CTNNA3: variants seen among roughly 807,000 people sequenced by gnomAD.
The protein encoded by CTNNA3 is catenin alpha 3.
Under a neutral mutation model 95.7 loss-of-function variants are expected in CTNNA3, and 76 were observed. The ratio of observed to expected loss-of-function variants is 0.79; its 90% CI spans 0.66 to 0.96. CTNNA3 has a LOEUF of 0.96. Among genes scored for constraint, CTNNA3 ranks in the 40% least tolerant of loss-of-function variants. The pLI is 0.00. For synonymous variants in CTNNA3, 431 were observed against 374.4 expected (o/e 1.15, Z -1.74); for missense variants, 1,191 against 1,089.8 (o/e 1.09, Z -1.31).
At chr10:67,712,842 C>A (rs1003154396) in intron 1 of CTNNA3, among the ~76,000 whole-genome samples, 3 of 152,086 alleles carry the variant, frequency 2.0e-5, no homozygotes, top group African/African-American at 7.2e-5. Context: ...TAGAAAAAAA[C>A]CTAGGCAATA....
At chr10:66,679,700 A>G (rs575556990) in intron 9 of CTNNA3, among the ~76,000 whole-genome samples, 7 of 152,210 alleles carry the variant, frequency 4.6e-5, no homozygotes, top group Admixed American at 3.9e-4. Context: ...AAATAAAAAC[A>G]TAAGTGGGAA....
intron 1 of CTNNA3, among the ~76,000 whole-genome samples, chr10:67,722,003 T>G (rs1309477932): frequency 1.3e-5 from 2 of 152,042 alleles, no homozygotes; most frequent in Non-Finnish European, 2.9e-5. Context: ...CAGTTGGAAA[T>G]GCAGAAATCA....
intron 4 of CTNNA3, among the ~76,000 whole-genome samples, chr10:67,528,965 T>G (rs550146538): frequency 1.3e-5 from 2 of 152,328 alleles, no homozygotes; most frequent in South Asian, 4.1e-4. Context: ...TCATGGTGAC[T>G]GCAGTTAATA....
chr10:67,715,141 CTT>C (rs779109214), intron 1 of CTNNA3, among the ~76,000 whole-genome samples: 1 of 152,192 alleles, frequency 6.6e-6, no homozygotes, highest in East Asian at 1.9e-4. Context: ...ACAATAGAAA[CTT>C]GAGCTATTGG....
chr10:66,644,005 C>A (rs555535652), intron 9 of CTNNA3, among the ~76,000 whole-genome samples: 1 of 152,054 alleles, frequency 6.6e-6, no homozygotes, highest in South Asian at 2.1e-4. Context: ...TGCCTATAAT[C>A]CCAGCACTTT....
chr10:67,502,482 G>A (rs1023094518), intron 5 of CTNNA3, among the ~76,000 whole-genome samples: 3 of 152,222 alleles, frequency 2.0e-5, no homozygotes, highest in Non-Finnish European at 2.9e-5. Flanking sequence ...CTTACCCTTA[G>A]CAGAGCTCGA....
intron 4 of CTNNA3, among the ~76,000 whole-genome samples, chr10:67,523,889 T>C (rs1840058506): frequency 1.3e-5 from 2 of 152,200 alleles, no homozygotes; most frequent in Admixed American, 1.3e-4. Context: ...TAAAACCTTA[T>C]CTAAGATTCT....
In CTNNA3 at chr10:67,070,097, T is replaced by C. The variant is rs542273021; in HGVS notation, c.1047+110220A>G. Among the ~76,000 whole-genome samples the C allele has an allele frequency of 3.3e-5, 5 of 152,326 alleles. No homozygotes were observed. The South Asian group carries it at 1.0e-3, about 32-fold the overall frequency. On this transcript the variant is annotated intron_variant, in intron 7 of 17. Transcript: ENST00000433211. ...TTTTCATTTTAGTCATTCTCGTCAG[T>C]GTGTAGTATTATCACATTTTGACTT...
chr10:66,777,633 T>G (rs1301097624), intron 7 of CTNNA3, among the ~76,000 whole-genome samples: 1 of 152,028 alleles, frequency 6.6e-6, no homozygotes, highest in Non-Finnish European at 1.5e-5. Flanking sequence ...AGTTTATAAT[T>G]TTACCTAAAG....
At chr10:66,192,850 T>C (rs1415219103) in intron 13 of CTNNA3, among the ~76,000 whole-genome samples, 2 of 152,170 alleles carry the variant, frequency 1.3e-5, no homozygotes, top group Non-Finnish European at 2.9e-5. Flanking sequence ...TTAATCCTGA[T>C]TGAAATTATG....
chr10:66,428,096 T>C (rs868737510), intron 11 of CTNNA3, among the ~76,000 whole-genome samples: 5 of 152,166 alleles, frequency 3.3e-5, no homozygotes, highest in Middle Eastern at 6.8e-3. Flanking sequence ...AGGCAGGGGT[T>C]GCAATCCTAG....
chr10:67,434,557 G>A (rs1281077258), intron 5 of CTNNA3, among the ~76,000 whole-genome samples: 3 of 151,746 alleles, frequency 2.0e-5, no homozygotes, highest in African/African-American at 4.8e-5. Context: ...AAACTCAGGC[G>A]GTGCTATATA....
At chr10:66,870,308 A>C (rs1844347097) in intron 7 of CTNNA3, among the ~76,000 whole-genome samples, 1 of 152,322 alleles carries the variant, frequency 6.6e-6, no homozygotes, top group Non-Finnish European at 1.5e-5. Context: ...GATGCAGTAA[A>C]CTATACCAAC....
chr10:67,528,850 T>C (rs1482189945), intron 4 of CTNNA3, among the ~76,000 whole-genome samples: 1 of 152,192 alleles, frequency 6.6e-6, no homozygotes, highest in Admixed American at 6.5e-5. Flanking sequence ...AAGATGCTGA[T>C]TCCTTCTTAA....
intron 1 of CTNNA3, among the ~76,000 whole-genome samples, chr10:67,753,634 C>A (rs529908818): frequency 2.4e-4 from 37 of 152,184 alleles, no homozygotes; most frequent in Non-Finnish European, 4.4e-4. Flanking sequence ...CAACAAAAAA[C>A]CCCATCAAAA....
At chr10:67,441,472 C>T (rs1348534555) in intron 5 of CTNNA3, among the ~76,000 whole-genome samples, 2 of 151,932 alleles carry the variant, frequency 1.3e-5, no homozygotes, top group Non-Finnish European at 1.5e-5. Context: ...CTATAGAACA[C>T]CAAGCATATT....
At chr10:66,147,612 T>G (rs2083961177) in intron 13 of CTNNA3, among the ~76,000 whole-genome samples, 2 of 106,158 alleles carry the variant, frequency 1.9e-5, no homozygotes, top group South Asian at 2.7e-4. Flanking sequence ...CTTTCAGTTT[T>G]TTTTTTTTTT....
rs191206418 is a variant in CTNNA3 at position 66,387,165 on chromosome 10, C to T, written c.1532-7813G>A. On this transcript the variant is annotated intron_variant, in intron 11 of 17. Coordinates refer to ENST00000433211, the MANE Select transcript of CTNNA3 (RefSeq NM_013266.4). ...ACCATCGGCGTGAACAGGCAACCTA[C>T]AGAATGGGAGAAAATTTTTGCAATC... is the stretch of plus-strand genomic sequence containing the variant. Among the ~76,000 whole-genome samples, 342 of 152,166 alleles carry T rather than the reference C, an allele frequency of 2.2e-3. 1 individual carries two copies. Among genetic ancestry groups the T allele is most frequent in the African/African-American group, 7.7e-3 (321 of 41,506 alleles).
Position 66,346,341 on chromosome 10 carries a change from T to TGC in CTNNA3, c.1732+32810_1732+32811insGC, listed in dbSNP as rs1163992530. Reference sequence around the variant, plus strand: ...GTCACCAGGCTGGAGTGGAGTGGCATGATCTCGGCTCACTGCAACCCACGC... The same window carrying TGC: ...GTCACCAGGCTGGAGTGGAGTGGCATGCGATCTCGGCTCACTGCAACCCACGC... On this transcript the variant is annotated intron_variant, in intron 12 of 17. Coordinates refer to ENST00000433211, the MANE Select transcript of CTNNA3 (RefSeq NM_013266.4). Among the ~76,000 whole-genome samples, 5 of 148,658 alleles carry TGC rather than the reference T, an allele frequency of 3.4e-5. No homozygotes were observed. In the East Asian group the frequency reaches 1.0e-3, roughly 31 times the overall value.
Sources: gnomAD v4.1 joint callset for allele counts (sites outside exome capture counted in the v4.1 genomes callset) on GRCh38, gnomAD v4.1.1 for gene constraint, MANE v1.5 for transcripts, NCBI Gene and HGNC (gene_info 2026-07-23, HGNC 2026-07-21) for gene names.